The following ZFPM2 variants were observed in gnomAD, a reference collection of about 807,000 sequenced individuals.
The protein encoded by ZFPM2 is zinc finger protein, FOG family member 2.
In ZFPM2, 20 loss-of-function variants were observed where a neutral mutation model predicts 98.6. The ratio of observed to expected loss-of-function variants is 0.20; its 90% CI spans 0.14 to 0.29. The LOEUF is 0.29. Ranked by LOEUF, ZFPM2 falls within the 10% of genes least tolerant of loss-of-function variation. The pLI, the probability that ZFPM2 is intolerant of heterozygous loss-of-function variation, is 1.00. For synonymous variants in ZFPM2, 518 were observed against 502.7 expected (o/e 1.03, Z -0.41); for missense variants, 1,310 against 1,388.6 (o/e 0.94, Z 0.90).
chr8:105,458,058 G>C (rs541701968), intron 3 of ZFPM2, among the ~76,000 whole-genome samples: 1 of 152,274 alleles, frequency 6.6e-6, no homozygotes, highest in South Asian at 2.1e-4. Flanking sequence ...AGGCTGACTT[G>C]GCTCTTGGCT....
intron 3 of ZFPM2, among the ~76,000 whole-genome samples, chr8:105,549,168 T>A (rs188983699): frequency 6.6e-6 from 1 of 152,206 alleles, no homozygotes; most frequent in Non-Finnish European, 1.5e-5. Context: ...CTTCAAAATC[T>A]GCCATCTCTA....
chr8:105,737,285 C>A (rs958804225), intron 5 of ZFPM2: 21 of 152,768 alleles, frequency 1.4e-4, no homozygotes, highest in African/African-American at 4.6e-4. Flanking sequence ...TATGTACTAG[C>A]TGAGCACTCC....
chr8:105,732,944 T>G (rs972879833), intron 5 of ZFPM2, among the ~76,000 whole-genome samples: 11 of 151,896 alleles, frequency 7.2e-5, no homozygotes, highest in African/African-American at 2.7e-4. Context: ...TCATACATAT[T>G]AAAGGCAGCC....
chr8:105,798,977 C>G, intron 7 of ZFPM2, 29 bp downstream of exon 7: 1 of 1,564,332 alleles, frequency 6.4e-7, no homozygotes, highest in African/African-American at 1.4e-5. Flanking sequence ...TCTTCTGTTG[C>G]TCCAGAAGAC....
intron 1 of ZFPM2, among the ~76,000 whole-genome samples, chr8:105,407,839 A>G (rs1811492549): frequency 6.6e-6 from 1 of 151,964 alleles, no homozygotes; most frequent in South Asian, 2.1e-4. Flanking sequence ...TTCAATTGGA[A>G]AAGAATCTAC....
chr8:105,429,265 G>GGCC (rs1811972346), intron 2 of ZFPM2, among the ~76,000 whole-genome samples: 1 of 151,810 alleles, frequency 6.6e-6, no homozygotes, highest in Non-Finnish European at 1.5e-5. Context: ...AGCCAATACT[G>GGCC]AGAACCTATG....
intron 2 of ZFPM2, among the ~76,000 whole-genome samples, chr8:105,441,432 GAA>G (rs1491227837): frequency 3.0e-4 from 30 of 98,810 alleles, no homozygotes; most frequent in South Asian, 9.5e-4. Context: ...AAGAAAGAAA[GAA>G]AGAGAGAGAG....
Position 105,591,327 on chromosome 8 carries a change from A to G in ZFPM2, c.420+29846A>G, listed in dbSNP as rs1444589470. On this transcript the variant is annotated intron_variant, in intron 4 of 7. Transcript: ENST00000407775. The stretch of plus-strand genomic sequence containing the variant: ...TAAATAATATTGCTTTATAAATTGG[A>G]TTACCTAAGATTTTTCATTTATGAT... Among the ~76,000 whole-genome samples the G allele has an allele frequency of 1.1e-4, 17 of 152,030 alleles. No homozygotes were observed. In the East Asian group the frequency reaches 3.3e-3, roughly 29 times the overall value.
chr8:105,503,700 A>G (rs1359352240), intron 3 of ZFPM2, among the ~76,000 whole-genome samples: 1 of 152,220 alleles, frequency 6.6e-6, no homozygotes, highest in Non-Finnish European at 1.5e-5. Context: ...AATAAACACT[A>G]TTAGCACATA....
At chr8:105,580,809 C>CTG (rs1815574903) in intron 4 of ZFPM2, among the ~76,000 whole-genome samples, 1 of 103,054 alleles carries the variant, frequency 9.7e-6, no homozygotes, top group Non-Finnish European at 1.9e-5. Flanking sequence ...TTCTCTCTCT[C>CTG]TCTCTCTCTC....
intron 3 of ZFPM2, among the ~76,000 whole-genome samples, chr8:105,478,334 T>G (rs1161604886): frequency 6.6e-6 from 1 of 152,178 alleles, no homozygotes; most frequent in East Asian, 1.9e-4. Flanking sequence ...CTGTGTAAAT[T>G]GTACTGAAAA....
chr8:105,577,793 A>G (rs1287912960), intron 4 of ZFPM2, among the ~76,000 whole-genome samples: 1 of 150,904 alleles, frequency 6.6e-6, no homozygotes, highest in Non-Finnish European at 1.5e-5. Context: ...AAAAAAAGTG[A>G]GAAATGAAAA....
intron 4 of ZFPM2, among the ~76,000 whole-genome samples, chr8:105,627,704 C>T (rs1229401870): frequency 6.6e-6 from 1 of 152,170 alleles, no homozygotes; most frequent in Admixed American, 6.5e-5. Context: ...GTTTGCCAGT[C>T]CACCTCTTTG....
chr8:105,758,074 G>A (rs962091187), intron 5 of ZFPM2, among the ~76,000 whole-genome samples: 1 of 152,020 alleles, frequency 6.6e-6, no homozygotes, highest in African/African-American at 2.4e-5. Context: ...CACAACCTGT[G>A]ACAATGACAA....
chr8:105,319,020 T>C, intron 1 of ZFPM2, 39 bp downstream of exon 1: 1 of 1,482,402 alleles, frequency 6.7e-7, no homozygotes. Flanking sequence ...GTGGGATTAT[T>C]GCCCAGGAGC....
chr8:105,482,061 G>T (rs890261974), intron 3 of ZFPM2, among the ~76,000 whole-genome samples: 1 of 152,070 alleles, frequency 6.6e-6, no homozygotes, highest in African/African-American at 2.4e-5. Context: ...ATGTTTTTCT[G>T]CCTGATTTAC....
At chr8:105,346,588 A>G (rs1303656442) in intron 1 of ZFPM2, among the ~76,000 whole-genome samples, 2 of 152,166 alleles carry the variant, frequency 1.3e-5, no homozygotes, top group Non-Finnish European at 2.9e-5. Flanking sequence ...AAGGAAGGAA[A>G]ACTTTCATTG....
At chr8:105,363,631 A>G (rs571946233) in intron 1 of ZFPM2, among the ~76,000 whole-genome samples, 1 of 152,248 alleles carries the variant, frequency 6.6e-6, no homozygotes, top group African/African-American at 2.4e-5. Flanking sequence ...TAGTATTGCT[A>G]TTATGGCATG....
At chr8:105,413,834 G>A (rs975746999) in intron 1 of ZFPM2, among the ~76,000 whole-genome samples, 4 of 151,780 alleles carry the variant, frequency 2.6e-5, no homozygotes, top group Non-Finnish European at 5.9e-5. Flanking sequence ...TATTAATAAT[G>A]CTATCTGATA....
Sources: allele counts gnomAD v4.1 joint callset (sites outside exome capture counted in the v4.1 genomes callset), GRCh38; gene constraint gnomAD v4.1.1; transcripts MANE v1.5; gene names NCBI Gene and HGNC (gene_info 2026-07-23, HGNC 2026-07-21).